FASN: variants seen among roughly 807,000 people sequenced by gnomAD.
FASN encodes the protein 3-hydroxyacyl-[acyl-carrier-protein] dehydratase.
Under a neutral mutation model 250.0 loss-of-function variants are expected in FASN, and 50 were observed. The observed-to-expected ratio is 0.20, with a 90% CI of 0.16 to 0.25. FASN has a LOEUF of 0.25. FASN is among the 10% of genes least tolerant of loss of function. FASN has a pLI of 1.00. For synonymous variants in FASN, 1,909 were observed against 1,584.0 expected, an observed-to-expected ratio of 1.21 and a Z score of -4.87; for missense variants, 3,031 against 3,498.5, an observed-to-expected ratio of 0.87 and a Z score of 3.37.
rs1568109377 is a variant in FASN at position 82,085,293 on chromosome 17, C to A, written c.4232G>T (p.Ser1411Ile). Residue 1411 changes from serine (S) to isoleucine (I), a missense_variant, in exon 24 of 43, where the codon AGC becomes ATC. Coordinates refer to ENST00000306749, the MANE Select transcript of FASN (RefSeq NM_004104.5). Reference sequence around the variant, plus strand: ...ATCGTCCACCGGCAGGAAGATGGGGCTGTCCTGCGGGGTGGGCCGGCGGCA... The same window carrying A: ...ATCGTCCACCGGCAGGAAGATGGGGATGTCCTGCGGGGTGGGCCGGCGGCA... ...FLCRRPTPQDSPIFLPVDDTS... is the reference protein window; with the variant it reads ...FLCRRPTPQDIPIFLPVDDTS... The A allele has an allele frequency of 2.5e-6, 4 of 1,611,342 alleles. No individual in the cohort carries two copies. Among genetic ancestry groups the A allele is most frequent in the Non-Finnish European group, 3.4e-6 (4 of 1,179,440 alleles).
chr17:82,086,187 G>C, intron 22 of FASN, 67 bp downstream of exon 22: 1 of 1,533,822 alleles, frequency 6.5e-7, no homozygotes, highest in Non-Finnish European at 8.7e-7. Flanking sequence ...GCTGTCTCCT[G>C]CAACTGATGT....
chr17:82,092,982 G>A lies in FASN; in HGVS notation c.693C>T (p.Val231=), dbSNP rs2034240061. The part of the protein sequence containing the change: ...GYCRSEGVVA[V]LLTKKSLARR... ...GGGCCAGGGACTTCTTGGTCAGCAG[G>A]ACGGCCACCACACCCTCCGAGCGGC... The change falls in exon 6 of 43, where the codon GTC becomes GTT. Residue 231 remains valine, a synonymous_variant. Transcript: ENST00000306749. 2.5e-6 allele frequency: 4 copies of A among 1,612,250 alleles called. No individual in the cohort carries two copies. The highest frequency in any genetic ancestry group is 3.4e-6 in the Non-Finnish European group (4 of 1,179,834).
chr17:82,078,986 A>G lies in FASN; in HGVS notation c.*157T>C, dbSNP rs1598570883. The G allele has an allele frequency of 1.1e-6, 1 of 891,040 alleles. No individual in the cohort carries two copies. The highest frequency in any genetic ancestry group is 1.7e-6 in the Non-Finnish European group (1 of 582,700). The allele number at this position is 891,040 out of a possible 1,614,324, so 55.2% of individuals were successfully genotyped here. A position where few individuals can be genotyped will look rare whatever the true frequency, so the allele number is the denominator to read the frequency against. ...GTGGGAGGCGGCGGGTGGGTGGGAC[A>G]TGCCTAACACCTACATCTAGCAGCC... is the stretch of plus-strand genomic sequence containing the variant. On this transcript the variant is annotated 3_prime_UTR_variant, in exon 43 of 43. Coordinates refer to ENST00000306749, the MANE Select transcript of FASN (RefSeq NM_004104.5). This position sits in a 1 kb window ranked among gnomAD's most constrained non-coding sequence, Gnocchi z 5.4.
chr17:82,079,839 G>C, intron 41 of FASN: 1 of 657,686 alleles, frequency 1.5e-6, no homozygotes, highest in Non-Finnish European at 2.6e-6. Flanking sequence ...TCCCGAGTAG[G>C]TGGGACTATA....
chr17:82,079,959 T>C (rs1392164299), intron 41 of FASN, 181 bp downstream of exon 41: 5 of 725,732 alleles, frequency 6.9e-6, no homozygotes, highest in Middle Eastern at 3.7e-4. Context: ...CTGCCCGCCT[T>C]AGCCTCCCAA....
At chr17:82,083,935 G>C in intron 29 of FASN, 40 bp downstream of exon 29, 8 of 1,548,390 alleles carry the variant, frequency 5.2e-6, no homozygotes, top group Non-Finnish European at 7.0e-6. Flanking sequence ...GGGCGGCGGG[G>C]CCAGGAGGGC....
At position 82,087,388 on chromosome 17, in the gene FASN, C is replaced by T. The variant is rs1239618134; in HGVS notation, c.3160G>A (p.Ala1054Thr). 6 of 1,612,526 alleles carry T rather than the reference C, an allele frequency of 3.7e-6. 1 individual carries two copies. In the South Asian group the frequency reaches 6.6e-5, roughly 18 times the overall value. The change falls in exon 20 of 43, where the codon GCC (alanine) becomes ACC (threonine). Residue 1054 changes from alanine to threonine, a missense_variant. Coordinates refer to ENST00000306749, the MANE Select transcript of FASN (RefSeq NM_004104.5). Reference protein sequence around the residue: ...HGLYLPTRVTAIHIDPATHRQ... With the variant: ...HGLYLPTRVTTIHIDPATHRQ... ...TGGGTGGCAGGGTCGATGTGGATGG[C>T]GGTGACACGGGTGGGCAGGTACAGG... is the stretch of plus-strand genomic sequence containing the variant.
At position 82,080,393 on chromosome 17, in the gene FASN, T is replaced by G. The variant is rs1598572051; in HGVS notation, c.7024A>C (p.Thr2342Pro). Residue 2342 changes from threonine to proline, a missense_variant, in exon 40 of 43, where the codon ACC (threonine) becomes CCC (proline). Coordinates refer to ENST00000306749, the MANE Select transcript of FASN (RefSeq NM_004104.5). The part of the protein sequence containing the change: ...NSLFLFDGSP[T>P]YVLAYTQSYR... ...ACCTGGGTGTAGGCCAGTACGTAGG[T>G]GGGCGAGCCGTCGAACAGGAAGAGG... The G allele has an allele frequency of 1.2e-6, 2 of 1,602,918 alleles. No individual in the cohort carries two copies. The highest frequency in any genetic ancestry group is 1.7e-6 in the Non-Finnish European group (2 of 1,175,450).
Position 82,092,339 on chromosome 17 carries a change from T to G in FASN, c.1029+116A>C, listed in dbSNP as rs560808030. 3,838 of 1,122,370 alleles carry G rather than the reference T, an allele frequency of 3.4e-3. 13 individuals are homozygous for G. The highest frequency in any genetic ancestry group is 3.5e-3 in the Non-Finnish European group (2,681 of 776,294). 69.5% of individuals were successfully genotyped at this position (1,122,370 alleles called of 1,614,324 possible). A position where few individuals can be genotyped will look rare whatever the true frequency, so the allele number is the denominator to read the frequency against. On this transcript the variant is annotated intron_variant, in intron 8 of 42. Transcript: ENST00000306749. ...GCATAGCCCGGGGGACAGAGGCTCC[T>G]GGTGGGGAAGCCCCCGCCTCCACTT...
rs779328326 is a variant in FASN, at chr17:82,087,830, G to A, written c.2898C>T (p.Pro966=). ...GGCTTTCCGGGTGGTCGAAGAGCCT[G>A]GGGTCAGGGTCATCCCACTGGTACA... ...GKVYQWDDPD[P]RLFDHPESPT... is the part of the protein sequence containing the mutation. The change falls in exon 19 of 43, where the codon CCC becomes CCT. Residue 966 remains proline (P), a synonymous_variant. Coordinates refer to ENST00000306749, the MANE Select transcript of FASN (RefSeq NM_004104.5). The A allele has an allele frequency of 2.5e-6, 4 of 1,612,522 alleles. No homozygotes were observed. Among genetic ancestry groups the A allele is most frequent in the South Asian group, 1.1e-5 (1 of 91,092 alleles).
rs751850382 is a variant in FASN, at chr17:82,087,222, C to A, written c.3255G>T (p.Arg1085Ser). Residue 1085 changes from arginine (R) to serine (S), a missense_variant, in exon 21 of 43, where the codon AGG becomes AGT. Coordinates refer to ENST00000306749, the MANE Select transcript of FASN (RefSeq NM_004104.5). ...TGTGGACGCCTCCGGCCACTGTGAC[C>A]CTCAGCCACCTGCTCACCACCACGT... ...VADVVVSRWL[R>S]VTVAGGVHIS... The A allele has an allele frequency of 5.6e-6, 9 of 1,607,770 alleles. No homozygotes were observed. The highest frequency in any genetic ancestry group is 1.7e-5 in the Admixed American group (1 of 59,054).
In FASN at chr17:82,078,935, G is replaced by A. The variant is rs2033937425; in HGVS notation, c.*208C>T. 5 of 647,744 alleles carry A rather than the reference G, an allele frequency of 7.7e-6. No individual in the cohort carries two copies. Among genetic ancestry groups the A allele is most frequent in the Non-Finnish European group, 1.1e-5 (4 of 374,196 alleles). 40.1% of individuals were successfully genotyped at this position (647,744 alleles called of 1,614,324 possible). A position where few individuals can be genotyped will look rare whatever the true frequency, so the allele number is the denominator to read the frequency against. ...TTCACAGACCAGGAGTCTCCAAGTC[G>A]GCAGCTCTGGTGTCCCCGAGGTGCC... is the stretch of plus-strand genomic sequence containing the variant. On this transcript the variant is annotated 3_prime_UTR_variant, in exon 43 of 43. Transcript: ENST00000306749. The surrounding 1 kb of genome is among the most constrained non-coding windows in gnomAD (Gnocchi z 5.4).
intron 11 of FASN, 128 bp downstream of exon 11, chr17:82,090,246 TG>T: frequency 1.1e-6 from 1 of 894,690 alleles, no homozygotes; most frequent in Non-Finnish European, 1.7e-6. Flanking sequence ...GTGTCCGAGC[TG>T]GGTGTCCCCG....
At chr17:82,083,150 G>A in intron 32 of FASN, 35 bp from the exon 33 acceptor site, 7 of 1,610,752 alleles carry the variant, frequency 4.3e-6, no homozygotes, top group Non-Finnish European at 5.9e-6. Flanking sequence ...CTCAGGCACT[G>A]CCTGGGGACC....
chr17:82,079,163 C>T lies in FASN; in HGVS notation c.7516G>A (p.Val2506Met), dbSNP rs766210377. The T allele has an allele frequency of 3.7e-6, 6 of 1,612,494 alleles. No homozygotes were observed. Among genetic ancestry groups the T allele is most frequent in the South Asian group, 1.1e-5 (1 of 91,088 alleles). Residue 2506 changes from valine to methionine, a missense_variant, in exon 43 of 43, where the codon GTG becomes ATG. By Grantham distance (21) the Val-to-Met change is conservative (BLOSUM62 1). Coordinates refer to ENST00000306749, the MANE Select transcript of FASN (RefSeq NM_004104.5). ...IIHSSLAEPR[V>M]SVREG ...CGGGCCTAGCCCTCCCGCACGCTCA[C>T]GCGTGGCTCAGCCAGGGAGCTGTGG...
rs138767303 is a variant in FASN at position 82,090,135 on chromosome 17, CG to C, written c.1870+239del. Among the ~76,000 whole-genome samples, 780 of 152,338 alleles carry C rather than the reference CG, an allele frequency of 5.1e-3. 8 individuals carry two copies. The highest frequency in any genetic ancestry group is 0.018 in the African/African-American group (743 of 41,576). ...ATGCTGCAGCTGTGTGCTCATCACA[CG>C]GGGGCTCCACGCAGGCCTGATGCCC... On this transcript the variant is annotated intron_variant, in intron 11 of 42. Transcript: ENST00000306749.
At position 82,088,551 on chromosome 17, in the gene FASN, T is replaced by C; in HGVS notation, c.2432A>G (p.Asn811Ser). ...CACAGGTGGGAACAAGGCATTGGGGTTGGCGTCGATGCTACGGAGAAGGGA... is the reference window on the plus strand; with the variant it reads ...CACAGGTGGGAACAAGGCATTGGGGCTGGCGTCGATGCTACGGAGAAGGGA... ...GRLHLSGIDA[N>S]PNALFPPVEF... The change falls in exon 16 of 43, where the codon AAC becomes AGC. Residue 811 changes from asparagine to serine, a missense_variant. Physicochemically the swap from Asn to Ser is conservative, Grantham distance 46. Coordinates refer to ENST00000306749, the MANE Select transcript of FASN (RefSeq NM_004104.5). The C allele has an allele frequency of 6.2e-7, 1 of 1,604,964 alleles. No homozygotes were observed.
chr17:82,091,330 C>T lies in FASN; in HGVS notation c.1384G>A (p.Ala462Thr), dbSNP rs141275719. Residue 462 changes from alanine to threonine, a missense_variant, in exon 9 of 43, where the codon GCC (alanine) becomes ACC (threonine). Ala to Thr is a moderately conservative substitution (Grantham distance 58, BLOSUM62 0). Transcript: ENST00000306749. ...SMLNDIAAVP[A>T]TAMPFRGYAV... ...TAGCCACGGAAGGGCATGGCGGTGG[C>T]GGGGACAGCCGCGATGTCGTTCAGC... 96 of 1,609,458 alleles carry T rather than the reference C, an allele frequency of 6.0e-5. No homozygotes were observed. The highest frequency in any genetic ancestry group is 4.1e-4 in the African/African-American group (31 of 75,022).
At position 82,091,194 on chromosome 17, in the gene FASN, C is replaced by T. The variant is rs374284282; in HGVS notation, c.1492+28G>A. On this transcript the variant is annotated intron_variant, in intron 9 of 42. Coordinates refer to ENST00000306749, the MANE Select transcript of FASN (RefSeq NM_004104.5). ...CGCCTGCCTTTCCCCAGGGAAGGGA[C>T]CACCTTGGGGGCAGAGTGTGGGCTC... 2.2e-5 allele frequency: 35 copies of T among 1,601,504 alleles called. No individual in the cohort carries two copies. In the African/African-American group the frequency reaches 4.5e-4, roughly 21 times the overall value.
Sources: gnomAD v4.1 joint callset for allele counts (sites outside exome capture counted in the v4.1 genomes callset) on GRCh38, gnomAD v4.1.1 for gene constraint, Gnocchi (gnomAD v3.1) non-coding constraint, MANE v1.5 for transcripts, NCBI Gene and HGNC (gene_info 2026-07-23, HGNC 2026-07-21) for gene names.